Variants in SEMA6D observed in about 807,000 individuals in gnomAD.
SEMA6D encodes the protein semaphorin-6D.
In SEMA6D, 35 loss-of-function variants were observed where a neutral mutation model predicts 106.6. The ratio of observed to expected loss-of-function variants is 0.33; its 90% CI spans 0.25 to 0.44. SEMA6D has a LOEUF of 0.44. SEMA6D is among the 20% of genes least tolerant of loss of function. The pLI is 1.00. For synonymous variants in SEMA6D, 499 were observed against 487.7 expected (o/e 1.02, Z -0.31); for missense variants, 1,185 against 1,345.9 (o/e 0.88, Z 1.87).
chr15:47,201,814 G>A (rs1226435566), intron 1 of SEMA6D, among the ~76,000 whole-genome samples: 5 of 152,122 alleles, frequency 3.3e-5, no homozygotes, highest in Admixed American at 3.3e-4. Flanking sequence ...CAGACCACCA[G>A]TTGGTCTCTT....
intron 1 of SEMA6D, among the ~76,000 whole-genome samples, chr15:47,719,284 G>A (rs1200251338): frequency 6.6e-6 from 1 of 152,146 alleles, no homozygotes; most frequent in Non-Finnish European, 1.5e-5. Flanking sequence ...CCTCAGCGCC[G>A]TCAGCTGGAT....
chr15:47,499,271 C>T (rs1298972035), intron 3 of SEMA6D, among the ~76,000 whole-genome samples: 3 of 152,126 alleles, frequency 2.0e-5, no homozygotes, highest in African/African-American at 4.8e-5. Flanking sequence ...AATCCGTCCT[C>T]AGAAATAGTC....
chr15:47,274,857 G>A (rs2034726543), intron 1 of SEMA6D: 1 of 152,134 alleles, frequency 6.6e-6, no homozygotes, highest in Non-Finnish European at 1.5e-5. Context: ...TTCAGCAGGT[G>A]AATTTGTCTA....
chr15:47,223,853 C>T (rs1470063365), intron 1 of SEMA6D, among the ~76,000 whole-genome samples: 1 of 152,074 alleles, frequency 6.6e-6, no homozygotes, highest in African/African-American at 2.4e-5. Context: ...CATTCTCTTA[C>T]TCTTTGCTTC....
In SEMA6D at chr15:47,676,111, C is replaced by G. The variant is rs147326499; in HGVS notation, c.-55+75215C>G. Among the ~76,000 whole-genome samples the G allele has an allele frequency of 1.0e-2, 1,516 of 152,278 alleles. 14 individuals carry two copies. Among genetic ancestry groups the G allele is most frequent in the South Asian group, 0.044 (214 of 4,826 alleles). On this transcript the variant is annotated intron_variant, in intron 4 of 19. Coordinates refer to the SEMA6D transcript ENST00000558014. Reference sequence around the variant, plus strand: ...AGACACTCTCTCTCCTTTGCCTACCCGCGGCATTGGTAGTGGCTAATCTCT... The same window carrying G: ...AGACACTCTCTCTCCTTTGCCTACCGGCGGCATTGGTAGTGGCTAATCTCT...
At chr15:47,549,031 C>CATT (rs1239879826) in intron 3 of SEMA6D, among the ~76,000 whole-genome samples, 1 of 151,898 alleles carries the variant, frequency 6.6e-6, no homozygotes, top group Admixed American at 6.6e-5. Flanking sequence ...TGCTGAAGAC[C>CATT]ATTACACTTT....
intron 3 of SEMA6D, among the ~76,000 whole-genome samples, chr15:47,518,631 A>G (rs1323843095): frequency 1.3e-5 from 2 of 152,210 alleles, no homozygotes; most frequent in Non-Finnish European, 2.9e-5. Flanking sequence ...AGGTATAGCA[A>G]AAGTACGATC....
chr15:47,498,714 G>A (rs2043750865), intron 3 of SEMA6D, among the ~76,000 whole-genome samples: 1 of 152,068 alleles, frequency 6.6e-6, no homozygotes, highest in South Asian at 2.1e-4. Flanking sequence ...ACCTTGGAGG[G>A]GCGCTGGAGA....
chr15:47,766,821 C>T (rs2082366954), intron 16 of SEMA6D, 144 bp downstream of exon 16: 7 of 663,558 alleles, frequency 1.1e-5, no homozygotes, highest in African/African-American at 9.1e-5. Context: ...CTGAGCTGTT[C>T]GGTCATGGGG....
intron 4 of SEMA6D, among the ~76,000 whole-genome samples, chr15:47,693,968 A>G (rs901557922): frequency 6.6e-6 from 1 of 152,162 alleles, no homozygotes; most frequent in African/African-American, 2.4e-5. Flanking sequence ...ATCTGAGAGC[A>G]GAGACAAGCA....
At chr15:47,503,006 T>A (rs1276779750) in intron 3 of SEMA6D, among the ~76,000 whole-genome samples, 4 of 152,222 alleles carry the variant, frequency 2.6e-5, no homozygotes, top group African/African-American at 2.4e-5. Flanking sequence ...TCAGTAAATA[T>A]AAGTGACAAT....
chr15:47,550,652 A>G (rs1009959737), intron 3 of SEMA6D, among the ~76,000 whole-genome samples: 1 of 152,136 alleles, frequency 6.6e-6, no homozygotes, highest in Non-Finnish European at 1.5e-5. Flanking sequence ...ACTCAGTTCT[A>G]TGCAGTGATG....
intron 1 of SEMA6D, among the ~76,000 whole-genome samples, chr15:47,214,234 A>AGT (rs1348745649): frequency 6.6e-6 from 1 of 152,216 alleles, no homozygotes; most frequent in Non-Finnish European, 1.5e-5. Flanking sequence ...AAGTGTAAAA[A>AGT]GTACGACTTA....
chr15:47,364,633 T>C (rs2145191103), intron 1 of SEMA6D, among the ~76,000 whole-genome samples: 1 of 152,242 alleles, frequency 6.6e-6, no homozygotes, highest in Admixed American at 6.5e-5. Context: ...CGCTTAACAC[T>C]GTGAGTAGAG....
chr15:47,367,266 T>G (rs1221934356), intron 1 of SEMA6D, among the ~76,000 whole-genome samples: 1 of 152,132 alleles, frequency 6.6e-6, no homozygotes, highest in Non-Finnish European at 1.5e-5. Flanking sequence ...AAATTACTAT[T>G]ATTATTGCAA....
chr15:47,623,212 C>T (rs757189752), intron 4 of SEMA6D, among the ~76,000 whole-genome samples: 31 of 152,184 alleles, frequency 2.0e-4, no homozygotes, highest in Admixed American at 1.6e-3. Context: ...TCCTGCCTTC[C>T]AAGGCCCAAC....
intron 2 of SEMA6D, among the ~76,000 whole-genome samples, chr15:47,454,283 A>G (rs2042276394): frequency 6.6e-6 from 1 of 151,984 alleles, no homozygotes; most frequent in Non-Finnish European, 1.5e-5. Context: ...CTTAGAGTGA[A>G]GCAGCTTTTT....
At chr15:47,410,696 G>A (rs1440458466) in intron 1 of SEMA6D, among the ~76,000 whole-genome samples, 1 of 152,090 alleles carries the variant, frequency 6.6e-6, no homozygotes, top group East Asian at 1.9e-4. Context: ...CTGGACCCCA[G>A]CCCAGACCTA....
chr15:47,557,133 G>A (rs2045938371), intron 3 of SEMA6D, among the ~76,000 whole-genome samples: 1 of 152,196 alleles, frequency 6.6e-6, no homozygotes, highest in Non-Finnish European at 1.5e-5. Flanking sequence ...AGGGGCCGGT[G>A]TGGTGCAGAG....
Sources: allele counts gnomAD v4.1 joint callset (sites outside exome capture counted in the v4.1 genomes callset), GRCh38; gene constraint gnomAD v4.1.1; transcripts MANE v1.5; gene names NCBI Gene and HGNC (gene_info 2026-07-23, HGNC 2026-07-21).